The following LRP2 variants were observed in gnomAD, a reference collection of about 807,000 sequenced individuals.
LRP2 encodes the protein LDL receptor related protein 2.
A neutral mutation model predicts 531.0 loss-of-function variants in LRP2; 172 were observed. The ratio of observed to expected loss-of-function variants is 0.32; its 90% CI spans 0.29 to 0.37. LRP2 has a LOEUF of 0.37. Ranked by LOEUF, LRP2 falls within the 10% of genes least tolerant of loss-of-function variation. LRP2 has a pLI of 1.00. For synonymous variants in LRP2, 1,992 were observed against 2,027.6 expected, an observed-to-expected ratio of 0.98 and a Z score of 0.47; for missense variants, 5,167 against 5,868.3, an observed-to-expected ratio of 0.88 and a Z score of 3.90.
chr2:169,226,722 T>C lies in LRP2; in HGVS notation c.5228-134A>G, dbSNP rs553103790. ...CAGCATTGCAGCAATAAATATAATG[T>C]ACTTCATCAGACAAGCATGGGCCTT... On this transcript the variant is annotated intron_variant, in intron 31 of 78. Coordinates refer to ENST00000649046, the MANE Select transcript of LRP2 (RefSeq NM_004525.3). The C allele has an allele frequency of 8.2e-6, 6 of 735,830 alleles. No homozygotes were observed. In the African/African-American group the frequency reaches 8.6e-5, roughly 11 times the overall value. 45.6% of individuals were successfully genotyped at this position (735,830 alleles called of 1,614,324 possible). A position where few individuals can be genotyped will look rare whatever the true frequency, so the allele number is the denominator to read the frequency against.
intron 1 of LRP2, among the ~76,000 whole-genome samples, chr2:169,328,433 G>T: frequency 8.1e-6 from 1 of 122,866 alleles, no homozygotes. Flanking sequence ...ATTGAGAACG[G>T]GCCGGGATAA....
intron 43 of LRP2, among the ~76,000 whole-genome samples, 197 bp from the exon 44 acceptor site, chr2:169,202,067 A>C (rs1242832221): frequency 6.6e-6 from 1 of 152,256 alleles, no homozygotes; most frequent in Non-Finnish European, 1.5e-5. Flanking sequence ...TACATTTTTA[A>C]AATTGTTTTA....
chr2:169,275,902 A>G (rs1232379189), intron 13 of LRP2, among the ~76,000 whole-genome samples: 2 of 152,122 alleles, frequency 1.3e-5, no homozygotes, highest in African/African-American at 2.4e-5. Flanking sequence ...GAGGAAATCA[A>G]CAACGCCCCC....
At chr2:169,236,679 T>C (rs1336317149) in intron 28 of LRP2, among the ~76,000 whole-genome samples, 2 of 152,204 alleles carry the variant, frequency 1.3e-5, no homozygotes, top group African/African-American at 4.8e-5. Context: ...CTTCCTTATA[T>C]GACTTAAAAG....
At chr2:169,217,713 C>A (rs1427650138) in intron 34 of LRP2, among the ~76,000 whole-genome samples, 1 of 152,116 alleles carries the variant, frequency 6.6e-6, no homozygotes, top group Non-Finnish European at 1.5e-5. Flanking sequence ...TCATCCCTAG[C>A]AGACTTTATA....
intron 4 of LRP2, among the ~76,000 whole-genome samples, chr2:169,297,417 A>G (rs1224797933): frequency 6.6e-6 from 1 of 152,162 alleles, no homozygotes; most frequent in African/African-American, 2.4e-5. Context: ...ATGAGAGGAG[A>G]CCATATATAA....
intron 61 of LRP2, among the ~76,000 whole-genome samples, chr2:169,167,325 T>C (rs914531924): frequency 6.6e-6 from 1 of 152,138 alleles, no homozygotes; most frequent in Non-Finnish European, 1.5e-5. Flanking sequence ...CTAAGATATA[T>C]CATCTTCACA....
chr2:169,152,495 T>C (rs2105356092), intron 67 of LRP2, among the ~76,000 whole-genome samples: 1 of 152,324 alleles, frequency 6.6e-6, no homozygotes, highest in African/African-American at 2.4e-5. Flanking sequence ...TATTCACTTA[T>C]AGTAAATATA....
chr2:169,271,079 G>C lies in LRP2; in HGVS notation c.2145C>G (p.Ser715=). 1 of 1,612,700 alleles carries C rather than the reference G, an allele frequency of 6.2e-7. No individual in the cohort carries two copies. The highest frequency in any genetic ancestry group is 1.1e-5 in the South Asian group (1 of 91,048). The change falls in exon 16 of 79, where the codon TCC becomes TCG. Residue 715 remains serine (S), a synonymous_variant. Coordinates refer to ENST00000649046, the MANE Select transcript of LRP2 (RefSeq NM_004525.3). ...IAVQNFLIFS[S]QVAIRGIPFT... Reference sequence around the variant, plus strand: ...ACGGGATCCCACGAATAGCAACTTGGGATGAAAAAATGAGGAAATTCTGAA... The same window carrying C: ...ACGGGATCCCACGAATAGCAACTTGCGATGAAAAAATGAGGAAATTCTGAA...
intron 4 of LRP2, among the ~76,000 whole-genome samples, chr2:169,302,195 T>C (rs1231195988): frequency 6.6e-6 from 1 of 152,166 alleles, no homozygotes; most frequent in African/African-American, 2.4e-5. Flanking sequence ...CATGAAAACA[T>C]TCTAATTTAA....
In LRP2 at chr2:169,277,892, A is replaced by G; in HGVS notation, c.1625T>C (p.Phe542Ser). ...LSGEPKLERA[F>S]MDGSNRKDLV... ...GTCTTTACGGTTGCTGCCATCCATG[A>G]ATGCCCTTTCCAGCTTAGGTTCCCC... Residue 542 changes from phenylalanine (F) to serine (S), a missense_variant, in exon 13 of 79, where the codon TTC becomes TCC. Phe to Ser is a radical substitution (Grantham distance 155). This residue lies in a region of LRP2 where 2,811 missense variants were observed against 3,058.0 expected (regional missense o/e 0.92). Coordinates refer to ENST00000649046, the MANE Select transcript of LRP2 (RefSeq NM_004525.3). 6.2e-7 allele frequency: 1 copy of G among 1,614,114 alleles called. No homozygotes were observed. Among genetic ancestry groups the G allele is most frequent in the South Asian group, 1.1e-5 (1 of 91,074 alleles).
intron 23 of LRP2, among the ~76,000 whole-genome samples, 161 bp downstream of exon 23, chr2:169,243,242 C>G (rs1176444150): frequency 6.6e-6 from 1 of 152,042 alleles, no homozygotes; most frequent in Non-Finnish European, 1.5e-5. Context: ...ACCCATCAAC[C>G]CATCATCTAC....
intron 32 of LRP2, 130 bp downstream of exon 32, chr2:169,226,292 T>C: frequency 1.3e-6 from 1 of 745,274 alleles, no homozygotes; most frequent in Admixed American, 2.4e-5. Context: ...ATCAAAAAAC[T>C]TAGGGATAAA....
intron 57 of LRP2, 127 bp downstream of exon 57, chr2:169,172,969 A>T (rs988069494): frequency 5.2e-5 from 68 of 1,317,784 alleles, no homozygotes; most frequent in Non-Finnish European, 6.7e-5. Context: ...AGAATCAACC[A>T]TTTTTTTACA....
intron 34 of LRP2, among the ~76,000 whole-genome samples, chr2:169,218,308 G>C (rs955825805): frequency 1.2e-4 from 18 of 151,860 alleles, no homozygotes; most frequent in African/African-American, 4.1e-4. Flanking sequence ...CCTTCATATC[G>C]CCTGATATAT....
intron 38 of LRP2, among the ~76,000 whole-genome samples, chr2:169,208,791 C>G (rs1688494066): frequency 6.6e-6 from 1 of 152,126 alleles, no homozygotes; most frequent in Non-Finnish European, 1.5e-5. Flanking sequence ...GCCTACTCAC[C>G]AAGCTTGATT....
intron 19 of LRP2, 45 bp from the exon 20 acceptor site, chr2:169,247,560 CTT>C (rs1467474195): frequency 6.2e-7 from 1 of 1,606,008 alleles, no homozygotes; most frequent in African/African-American, 1.3e-5. Flanking sequence ...TCACAGCTAA[CTT>C]ATAAATAAAT....
At chr2:169,306,510 G>A (rs552748274) in intron 4 of LRP2, among the ~76,000 whole-genome samples, 38 of 152,232 alleles carry the variant, frequency 2.5e-4, no homozygotes, top group African/African-American at 8.9e-4. Flanking sequence ...CTCAGCCTGG[G>A]CAACAAGAGT....
chr2:169,243,298 C>T, intron 23 of LRP2, 105 bp downstream of exon 23: 1 of 1,381,404 alleles, frequency 7.2e-7, no homozygotes, highest in Non-Finnish European at 1.0e-6. Context: ...CTCCCCACCC[C>T]CCAACAGGCC....
Sources: allele counts gnomAD v4.1 joint callset (sites outside exome capture counted in the v4.1 genomes callset), GRCh38; gene constraint gnomAD v4.1.1; regional missense constraint gnomAD v4.1.1; transcripts MANE v1.5; gene names NCBI Gene and HGNC (gene_info 2026-07-23, HGNC 2026-07-21).